The following SYTL2 variants were observed in gnomAD, a reference collection of about 807,000 sequenced individuals.
SYTL2 encodes the protein synaptotagmin like 2, also known as synaptotagmin-like protein 2.
SYTL2 carries 165 observed loss-of-function variants against 198.7 expected under a neutral mutation model. That is an observed-to-expected ratio of 0.83 (90% CI 0.73 to 0.94). The LOEUF (loss-of-function observed/expected upper bound fraction) is 0.94, where lower values mean the gene tolerates loss of function less well. Among genes scored for constraint, SYTL2 ranks in the 40% least tolerant of loss-of-function variants. The probability of loss-of-function intolerance (pLI) is 0.00; values close to 1 mark genes in which losing one functional copy is unlikely to be tolerated. For missense variants in SYTL2, 2,835 were observed against 2,582.8 expected (o/e 1.10, Z -2.12); for synonymous variants, 966 against 917.7 (o/e 1.05, Z -0.95).
rs1192432970 is a variant in SYTL2 at position 85,726,175 on chromosome 11, C to A, written c.3183G>T (p.Gln1061His). Residue 1061 changes from glutamine (Q) to histidine (H), a missense_variant, in exon 8 of 20, where the codon CAG becomes CAT. Physicochemically the swap from Gln to His is conservative, Grantham distance 24. Coordinates refer to ENST00000359152, the MANE Select transcript of SYTL2 (RefSeq NM_206927.4). ...GAAATGTGATTTCATCTGGTAGCAC[C>A]TGGAGTATGCCCTTTGAATTTAATT... The part of the protein sequence containing the change: ...MEKLNSKGIL[Q>H]VLPDEITFPL... 6.2e-7 allele frequency: 1 copy of A among 1,613,958 alleles called. No homozygotes were observed. The highest frequency in any genetic ancestry group is 8.5e-7 in the Non-Finnish European group (1 of 1,179,914).
the SYTL2 span, among the ~76,000 whole-genome samples, chr11:85,850,910 G>A: frequency 4.0e-5 from 6 of 149,608 alleles, no homozygotes; most frequent in African/African-American, 1.5e-4. Flanking sequence ...ATCATTCTCA[G>A]TAAACTATCG....
chr11:85,734,180 C>T lies in SYTL2; in HGVS notation c.1149G>A (p.Lys383=). ...GCGAAGGCTTTCTGTATTGAGAAGG[C>T]TTAGGGTCACTCTGAAACTCTTCTG... The part of the protein sequence containing the change: ...GDTEEFQSDP[K]PSQYRKPSLF... The change falls in exon 7 of 20, where the codon AAG becomes AAA. Residue 383 remains lysine, a synonymous_variant. Coordinates refer to ENST00000359152, the MANE Select transcript of SYTL2 (RefSeq NM_206927.4). 1 of 1,614,146 alleles carries T rather than the reference C, an allele frequency of 6.2e-7. No homozygotes were observed. The highest frequency in any genetic ancestry group is 8.5e-7 in the Non-Finnish European group (1 of 1,179,984).
intron 2 of SYTL2, among the ~76,000 whole-genome samples, chr11:85,756,821 C>T (rs1240628022): frequency 6.6e-6 from 1 of 152,184 alleles, no homozygotes; most frequent in Admixed American, 6.5e-5. Context: ...TATTCATGGT[C>T]CTGTGTCCCA....
the SYTL2 span, chr11:85,852,715 G>A: frequency 3.0e-5 from 7 of 231,684 alleles, no homozygotes; most frequent in Middle Eastern, 5.0e-3. Flanking sequence ...GCATGATCAC[G>A]GCTAGCTATA....
At chr11:85,848,745 C>A in the SYTL2 span, among the ~76,000 whole-genome samples, 1 of 152,174 alleles carries the variant, frequency 6.6e-6, no homozygotes, top group Non-Finnish European at 1.5e-5. Flanking sequence ...CATGCTAAAG[C>A]CCTCAGGCAC....
the SYTL2 span, among the ~76,000 whole-genome samples, chr11:85,843,461 A>T: frequency 6.6e-6 from 1 of 152,150 alleles, no homozygotes; most frequent in African/African-American, 2.4e-5. Context: ...TTTACTAAAT[A>T]CGGAACATAG....
At chr11:85,809,976 A>T (rs535846929) in intron 1 of SYTL2, among the ~76,000 whole-genome samples, 1 of 152,314 alleles carries the variant, frequency 6.6e-6, no homozygotes, top group South Asian at 2.1e-4. Context: ...TGCTCCATCC[A>T]GCAGACAGCA....
intron 17 of SYTL2, 152 bp downstream of exon 17, chr11:85,700,363 C>G: frequency 4.4e-5 from 14 of 317,996 alleles, no homozygotes; most frequent in East Asian, 5.0e-5. Context: ...AAAGAATTTT[C>G]TTATTTACAA....
Position 85,782,404 on chromosome 11 carries a change from G to A in SYTL2, c.-389-24290C>T, listed in dbSNP as rs184368148. 3.2e-4 allele frequency among the ~76,000 whole-genome samples: 49 copies of A among 152,236 alleles called. No individual in the cohort carries two copies. In the East Asian group the frequency reaches 5.8e-3, roughly 18 times the overall value. On this transcript the variant is annotated intron_variant, in intron 1 of 19. Coordinates refer to ENST00000359152, the MANE Select transcript of SYTL2 (RefSeq NM_206927.4). ...TAGGCCTCCAGACCTGTGATGGGTG[G>A]GGGGGCTGCTGTGAAGGTCTCTGAC...
At chr11:85,839,415 T>C in the SYTL2 span, among the ~76,000 whole-genome samples, 13 of 152,150 alleles carry the variant, frequency 8.5e-5, no homozygotes, top group Non-Finnish European at 1.8e-4. Flanking sequence ...CTGAAGCCCA[T>C]CTGAAGGATA....
chr11:85,843,486 G>C, the SYTL2 span, among the ~76,000 whole-genome samples: 2 of 152,168 alleles, frequency 1.3e-5, no homozygotes, highest in Non-Finnish European at 2.9e-5. Flanking sequence ...GAGGAGGAGG[G>C]GCAAATTGGA....
At chr11:85,711,355 T>C in intron 12 of SYTL2, 123 bp from the exon 13 acceptor site, 2 of 1,005,368 alleles carry the variant, frequency 2.0e-6, no homozygotes, top group Non-Finnish European at 2.9e-6. Flanking sequence ...CAAAGGATGC[T>C]AGTGCTAATT....
chr11:85,740,278 T>C (rs2090685340), intron 4 of SYTL2, among the ~76,000 whole-genome samples: 1 of 152,184 alleles, frequency 6.6e-6, no homozygotes, highest in Non-Finnish European at 1.5e-5. Flanking sequence ...GACTCTGCTA[T>C]TTCCACTTAA....
chr11:85,729,988 T>C (rs2089628632), intron 7 of SYTL2, among the ~76,000 whole-genome samples: 1 of 151,806 alleles, frequency 6.6e-6, no homozygotes, highest in African/African-American at 2.4e-5. Flanking sequence ...AACTAGAAAA[T>C]CTAGAAGAAA....
Position 85,724,040 on chromosome 11 carries a change from T to C in SYTL2, c.5318A>G (p.Asn1773Ser). ...NTSSNAESWR[N>S]PSSSEEEPSP... ...AAATTTTAAATGCTCACTGGAAGGATTTCTCCAGCTCTCTGCATTAGAACT... is the reference window on the plus strand; with the variant it reads ...AAATTTTAAATGCTCACTGGAAGGACTTCTCCAGCTCTCTGCATTAGAACT... Residue 1773 changes from asparagine to serine, a missense_variant, in exon 8 of 20, where the codon AAT becomes AGT. Asn to Ser is a conservative substitution (Grantham distance 46). Around this residue, in one of 3 missense-constraint regions of SYTL2, gnomAD observed 2,645 missense variants for 2,381.7 expected, o/e 1.11. Coordinates refer to ENST00000359152, the MANE Select transcript of SYTL2 (RefSeq NM_206927.4). The C allele has an allele frequency of 1.4e-6, 2 of 1,458,154 alleles. No homozygotes were observed. The highest frequency in any genetic ancestry group is 2.5e-5 in the East Asian group (1 of 40,676). 90.3% of individuals were successfully genotyped at this position (1,458,154 alleles called of 1,614,324 possible). A position where few individuals can be genotyped will look rare whatever the true frequency, so the allele number is the denominator to read the frequency against.
rs1393394591 is a variant in SYTL2 at position 85,727,070 on chromosome 11, G to C, written c.2288C>G (p.Ser763Cys). 1.3e-6 allele frequency: 2 copies of C among 1,536,120 alleles called. No homozygotes were observed. The highest frequency in any genetic ancestry group is 1.2e-5 in the South Asian group (1 of 83,966). ...TTGGACCTCAGGCTTCTTCCAAGGA[G>C]AGCCATTGTTGGCAACCCCAGGTGT... Reference protein sequence around the residue: ...KSTPGVANNGSPWKKPEVQFQ... With the variant: ...KSTPGVANNGCPWKKPEVQFQ... The change falls in exon 8 of 20, where the codon TCT becomes TGT. Residue 763 changes from serine (S) to cysteine (C), a missense_variant. Around this residue, in one of 3 missense-constraint regions of SYTL2, gnomAD observed 2,645 missense variants for 2,381.7 expected, o/e 1.11. Coordinates refer to ENST00000359152, the MANE Select transcript of SYTL2 (RefSeq NM_206927.4).
intron 18 of SYTL2, 66 bp from the exon 19 acceptor site, chr11:85,696,454 A>T: frequency 1.6e-6 from 2 of 1,221,222 alleles, no homozygotes; most frequent in South Asian, 2.5e-5. Context: ...CTTTCAATAC[A>T]TAACAACACA....
chr11:85,745,680 C>T lies in SYTL2; in HGVS notation c.346G>A (p.Val116Ile), dbSNP rs377404316. Reference protein sequence around the residue: ...DAFLPPELAGVVEEPEEDAAP... With the variant: ...DAFLPPELAGIVEEPEEDAAP... ...GCATCTTCTTCTGGCTCTTCTACAA[C>T]GCCAGCCAGCTCTGGAGGAAGGAAA... Residue 116 changes from valine to isoleucine, a missense_variant, in exon 4 of 20, where the codon GTT (valine) becomes ATT (isoleucine). Val to Ile is a conservative substitution (Grantham distance 29). Coordinates refer to ENST00000359152, the MANE Select transcript of SYTL2 (RefSeq NM_206927.4). 28 of 1,613,788 alleles carry T rather than the reference C, an allele frequency of 1.7e-5. No homozygotes were observed. The highest frequency in any genetic ancestry group is 5.0e-5 in the Admixed American group (3 of 59,986).
At chr11:85,825,576 T>A in the SYTL2 span, among the ~76,000 whole-genome samples, 2 of 152,154 alleles carry the variant, frequency 1.3e-5, no homozygotes, top group Admixed American at 1.3e-4. Flanking sequence ...GGGTCCCTGA[T>A]CTCTAGCAAG....
Sources: allele counts gnomAD v4.1 joint callset (sites outside exome capture counted in the v4.1 genomes callset), GRCh38; gene constraint gnomAD v4.1.1; regional missense constraint gnomAD v4.1.1; transcripts MANE v1.5; gene names NCBI Gene and HGNC (gene_info 2026-07-23, HGNC 2026-07-21).